Variants in PHF6 observed in about 807,000 individuals in gnomAD.
PHF6 encodes the protein PHD finger protein 6.
PHF6 carries 7 observed loss-of-function variants against 34.0 expected under a neutral mutation model. The ratio of observed to expected loss-of-function variants is 0.21; its 90% CI spans 0.12 to 0.39. The LOEUF (loss-of-function observed/expected upper bound fraction) is 0.39. Among genes scored for constraint, PHF6 ranks in the 10% least tolerant of loss-of-function variants. The pLI is 1.00. For missense variants in PHF6, 128 were observed against 262.8 expected (o/e 0.49, Z 3.55); for synonymous variants, 89 against 88.4 (o/e 1.01, Z -0.04).
chrX:134,414,711 T>C (rs1406483597), intron 7 of PHF6, among the ~76,000 whole-genome samples: 1 of 111,592 alleles, frequency 9.0e-6, no homozygotes, highest in Non-Finnish European at 1.9e-5. Context: ...TTAAACTATT[T>C]TTTAAAACTT....
chrX:134,381,977 G>A (rs1019489893), intron 3 of PHF6, among the ~76,000 whole-genome samples: 4 of 111,441 alleles, frequency 3.6e-5, no homozygotes, highest in East Asian at 2.8e-4. Flanking sequence ...AAAGTTGCTC[G>A]CTTGCCCCAA....
chrX:134,406,352 TG>T lies in PHF6; in HGVS notation c.419-7137del, dbSNP rs201288961. Among the ~76,000 whole-genome samples, 834 of 111,610 alleles carry T rather than the reference TG, an allele frequency of 7.5e-3. 5 individuals are homozygous for T. The highest frequency in any genetic ancestry group is 0.026 in the African/African-American group (803 of 30,745). Reference sequence around the variant, plus strand: ...TTTGACACATGAAGACACTTGTGAATGGTAAGTAACTTAACCAAGTTAAGAC... The same window carrying T: ...TTTGACACATGAAGACACTTGTGAATGTAAGTAACTTAACCAAGTTAAGAC... On this transcript the variant is annotated intron_variant, in intron 5 of 10. Transcript: ENST00000370803.
chrX:134,380,988 A>G (rs1392021748), intron 3 of PHF6, among the ~76,000 whole-genome samples: 2 of 111,315 alleles, frequency 1.8e-5, no homozygotes, highest in Non-Finnish European at 3.8e-5. Context: ...CTGGGACTAC[A>G]GGTGTGTGCC....
At chrX:134,403,027 A>G (rs2077409010) in intron 5 of PHF6, among the ~76,000 whole-genome samples, 2 of 111,791 alleles carry the variant, frequency 1.8e-5, no homozygotes, top group African/African-American at 3.3e-5. Flanking sequence ...TGTCTAAGAC[A>G]TAACAGTATT....
In PHF6 at chrX:134,425,743, A is replaced by G. The variant is rs2077505608; in HGVS notation, c.*83A>G. ...TTTTTTCACTGTTTTCTAAAATCAA[A>G]AAGGGTTTGTAACTTTTTACTGCCC... On this transcript the variant is annotated 3_prime_UTR_variant, in exon 11 of 11. Coordinates refer to ENST00000370803, the MANE Select transcript of PHF6 (RefSeq NM_001015877.2). The G allele has an allele frequency of 5.4e-6, 1 of 186,637 alleles. No homozygotes were observed. The highest frequency in any genetic ancestry group is 7.3e-5 in the Admixed American group (1 of 13,781). 15.4% of individuals were successfully genotyped at this position (186,637 alleles called of 1,213,427 possible). A position where few individuals can be genotyped will look rare whatever the true frequency, so the allele number is the denominator to read the frequency against.
chrX:134,400,921 G>A (rs764018006), intron 5 of PHF6, among the ~76,000 whole-genome samples: 208 of 111,776 alleles, frequency 1.9e-3, no homozygotes, highest in Non-Finnish European at 2.7e-3. Context: ...ATATTTGCAA[G>A]AGAGCAGTTT....
chrX:134,416,616 C>T (rs2077473382), intron 8 of PHF6, among the ~76,000 whole-genome samples: 2 of 112,052 alleles, frequency 1.8e-5, no homozygotes, highest in Admixed American at 9.5e-5. Context: ...CTTAACCTAT[C>T]CTTTCTCAAA....
chrX:134,384,634 CTTCT>C (rs202210165), intron 3 of PHF6, among the ~76,000 whole-genome samples: 22 of 105,884 alleles, frequency 2.1e-4, no homozygotes, highest in East Asian at 1.2e-3. Flanking sequence ...TCTGCCTTTT[CTTCT>C]TTCTTTCTTT....
At chrX:134,404,268 C>T in intron 5 of PHF6, among the ~76,000 whole-genome samples, 1 of 111,844 alleles carries the variant, frequency 8.9e-6, no homozygotes. Context: ...TATTCCAACC[C>T]TCACGGATTA....
intron 5 of PHF6, among the ~76,000 whole-genome samples, chrX:134,408,035 C>G (rs1366465970): frequency 8.9e-6 from 1 of 112,186 alleles, no homozygotes; most frequent in Non-Finnish European, 1.9e-5. Flanking sequence ...TCAAGTGATT[C>G]TCCTGCCTCA....
intron 5 of PHF6, among the ~76,000 whole-genome samples, chrX:134,405,815 TA>T (rs200303660): frequency 0.011 from 913 of 86,027 alleles, 5 homozygotes; most frequent in African/African-American, 0.04. Context: ...TATATATATA[TA>T]ATATCAAGTA....
At chrX:134,394,849 T>C (rs1489504485) in intron 5 of PHF6, among the ~76,000 whole-genome samples, 6 of 107,720 alleles carry the variant, frequency 5.6e-5, no homozygotes, top group African/African-American at 1.7e-4. Flanking sequence ...TCGTTTCTTT[T>C]CTGTTTTCTT....
intron 5 of PHF6, among the ~76,000 whole-genome samples, chrX:134,412,487 GA>G (rs1318411519): frequency 9.0e-6 from 1 of 111,620 alleles, no homozygotes; most frequent in African/African-American, 3.3e-5. Flanking sequence ...TTCTCATTGA[GA>G]AATTAGTCTC....
At chrX:134,408,613 A>G (rs2077435604) in intron 5 of PHF6, among the ~76,000 whole-genome samples, 1 of 111,577 alleles carries the variant, frequency 9.0e-6, no homozygotes, top group Admixed American at 9.5e-5. Context: ...GCCTTTTCCT[A>G]TGCTTTGTGC....
chrX:134,405,165 G>A (rs1376581027), intron 5 of PHF6, among the ~76,000 whole-genome samples: 5 of 111,587 alleles, frequency 4.5e-5, no homozygotes, highest in Admixed American at 2.9e-4. Flanking sequence ...AATTTTAGTA[G>A]TGTATTCATA....
intron 5 of PHF6, among the ~76,000 whole-genome samples, chrX:134,398,311 G>A (rs2077386099): frequency 1.8e-5 from 2 of 111,629 alleles, no homozygotes; most frequent in Admixed American, 1.9e-4. Flanking sequence ...GATTACTTGA[G>A]CCCAGAATTT....
intron 8 of PHF6, among the ~76,000 whole-genome samples, chrX:134,415,647 CACTT>C (rs1250024435): frequency 8.9e-6 from 1 of 112,261 alleles, no homozygotes; most frequent in Non-Finnish European, 1.9e-5. Context: ...ACTCCTTTAA[CACTT>C]ATGAATGCTA....
At chrX:134,379,427 C>CTTTTTTTTTTTTTTTTTTTTTTTTTTTT in intron 3 of PHF6, among the ~76,000 whole-genome samples, 1 of 51,670 alleles carries the variant, frequency 1.9e-5, no homozygotes, top group Non-Finnish European at 3.5e-5. Context: ...CTTTTCTTTT[C>CTTTTTTTTTTTTTTTTTTTTTTTTTTTT]TTTTCTTTTT....
chrX:134,416,268 C>T (rs752377903), intron 8 of PHF6, among the ~76,000 whole-genome samples: 5 of 111,407 alleles, frequency 4.5e-5, no homozygotes, highest in East Asian at 2.8e-4. Flanking sequence ...ATGAAACTTT[C>T]GTAACAGAGC....
Sources: allele counts gnomAD v4.1 joint callset (sites outside exome capture counted in the v4.1 genomes callset), GRCh38; gene constraint gnomAD v4.1.1; transcripts MANE v1.5; gene names NCBI Gene and HGNC (gene_info 2026-07-23, HGNC 2026-07-21).